The following LRMDA variants were observed in gnomAD, a reference collection of about 807,000 sequenced individuals.
The protein encoded by LRMDA is leucine-rich melanocyte differentiation-associated protein.
Under a neutral mutation model 29.8 loss-of-function variants are expected in LRMDA, and 18 were observed. The observed-to-expected ratio is 0.60, with a 90% CI of 0.42 to 0.90. The LOEUF (loss-of-function observed/expected upper bound fraction) is 0.90, where lower values mean the gene tolerates loss of function less well. Among genes scored for constraint, LRMDA ranks in the 40% least tolerant of loss-of-function variants. The probability of loss-of-function intolerance (pLI) is 0.00; values close to 1 mark genes in which losing one functional copy is unlikely to be tolerated. For missense variants in LRMDA, 273 were observed against 273.9 expected (o/e 1.00, Z 0.02); for synonymous variants, 125 against 109.4 (o/e 1.14, Z -0.89).
At chr10:75,956,481 C>G (rs568303966) in intron 2 of LRMDA, among the ~76,000 whole-genome samples, 46 of 152,156 alleles carry the variant, frequency 3.0e-4, no homozygotes, top group Middle Eastern at 3.4e-3. Context: ...GTTTTTTGCT[C>G]TGGGCTTAAA....
At chr10:76,245,434 T>C (rs1045907984) in intron 5 of LRMDA, among the ~76,000 whole-genome samples, 13 of 152,190 alleles carry the variant, frequency 8.5e-5, no homozygotes, top group African/African-American at 2.9e-4. Context: ...TTGTCTGTTA[T>C]GTTGAGGTCA....
intron 6 of LRMDA, among the ~76,000 whole-genome samples, chr10:76,460,842 A>T (rs866072518): frequency 2.3e-4 from 35 of 152,260 alleles, no homozygotes; most frequent in Middle Eastern, 3.4e-3. Context: ...TCTTCCCTCC[A>T]TAGGGGAGGG....
At chr10:75,914,971 C>T (rs1436828289) in intron 2 of LRMDA, among the ~76,000 whole-genome samples, 1 of 152,158 alleles carries the variant, frequency 6.6e-6, no homozygotes, top group Non-Finnish European at 1.5e-5. Flanking sequence ...TATGCACTCA[C>T]TGGCCCATTG....
chr10:75,495,350 C>T (rs1236649305), intron 2 of LRMDA, among the ~76,000 whole-genome samples: 1 of 151,736 alleles, frequency 6.6e-6, no homozygotes, highest in African/African-American at 2.4e-5. Flanking sequence ...TTTTCTTCCC[C>T]TTTCAAGGTT....
At chr10:76,179,273 G>T (rs1358308889) in intron 5 of LRMDA, among the ~76,000 whole-genome samples, 1 of 151,836 alleles carries the variant, frequency 6.6e-6, no homozygotes, top group Non-Finnish European at 1.5e-5. Flanking sequence ...ACATTTCCCT[G>T]TTCTCTGCTC....
chr10:76,415,641 T>C (rs1456077305), intron 6 of LRMDA, among the ~76,000 whole-genome samples: 1 of 152,166 alleles, frequency 6.6e-6, no homozygotes, highest in Non-Finnish European at 1.5e-5. Flanking sequence ...TATACAGATT[T>C]TTCTGGAAAA....
intron 5 of LRMDA, among the ~76,000 whole-genome samples, chr10:76,189,449 G>A (rs150913409): frequency 4.6e-5 from 7 of 152,276 alleles, no homozygotes; most frequent in African/African-American, 1.7e-4. Flanking sequence ...ACAAATCTTG[G>A]AATCAGGTTG....
At chr10:76,005,518 C>T (rs543880529) in intron 2 of LRMDA, among the ~76,000 whole-genome samples, 2 of 152,218 alleles carry the variant, frequency 1.3e-5, no homozygotes, top group East Asian at 1.9e-4. Flanking sequence ...GAGGCTGAGA[C>T]GGGAGGAGCA....
At chr10:75,984,908 A>C (rs1215375464) in intron 2 of LRMDA, among the ~76,000 whole-genome samples, 1 of 152,364 alleles carries the variant, frequency 6.6e-6, no homozygotes, top group Non-Finnish European at 1.5e-5. Flanking sequence ...GAAGTGTCCA[A>C]GTCCAAGGCC....
intron 5 of LRMDA, among the ~76,000 whole-genome samples, chr10:76,255,926 A>G (rs1852586286): frequency 6.6e-6 from 1 of 152,238 alleles, no homozygotes; most frequent in Non-Finnish European, 1.5e-5. Flanking sequence ...TATGTAGTCA[A>G]GTCAAATGGA....
intron 2 of LRMDA, among the ~76,000 whole-genome samples, chr10:75,493,365 G>GTGTGTGTT (rs1196746306): frequency 1.6e-4 from 24 of 150,210 alleles, no homozygotes; most frequent in Admixed American, 3.3e-4. Flanking sequence ...GTGTGTGTGT[G>GTGTGTGTT]TGTGTGTGTG....
At chr10:75,882,138 G>A (rs554414130) in intron 2 of LRMDA, among the ~76,000 whole-genome samples, 91 of 152,340 alleles carry the variant, frequency 6.0e-4, no homozygotes, top group African/African-American at 2.2e-3. Flanking sequence ...AGGAGGAACC[G>A]AAAAGAGGCC....
chr10:76,271,134 T>C (rs1394572517), intron 5 of LRMDA, among the ~76,000 whole-genome samples: 2 of 152,180 alleles, frequency 1.3e-5, no homozygotes, highest in East Asian at 3.9e-4. Context: ...CTACCTTGGC[T>C]AGGCGGCTCA....
chr10:76,068,595 G>T (rs887684527), intron 5 of LRMDA, among the ~76,000 whole-genome samples: 1 of 152,174 alleles, frequency 6.6e-6, no homozygotes, highest in Non-Finnish European at 1.5e-5. Flanking sequence ...CAGAGCCCAG[G>T]CAGTAATGCT....
Position 75,438,440 on chromosome 10 carries a change from G to A in LRMDA, c.77G>A (p.Gly26Asp). ...QDCREIPEHL[G>D]RDCGHFAKRL... ...TGCAGAGAAATTCCAGAGCACCTTG[G>A]CAGGGACTGTGGACATTTCGCAAAG... Residue 26 changes from glycine (G) to aspartate (D), a missense_variant, in exon 2 of 7, where the codon GGC becomes GAC. Physicochemically the swap from Gly to Asp is moderately conservative, Grantham distance 94. Coordinates refer to ENST00000611255, the MANE Select transcript of LRMDA (RefSeq NM_001305581.2). 6.4e-7 allele frequency: 1 copy of A among 1,550,984 alleles called. No individual in the cohort carries two copies. The highest frequency in any genetic ancestry group is 8.7e-7 in the Non-Finnish European group (1 of 1,147,080).
chr10:76,178,061 G>A (rs1268564500), intron 5 of LRMDA, among the ~76,000 whole-genome samples: 1 of 152,202 alleles, frequency 6.6e-6, no homozygotes, highest in African/African-American at 2.4e-5. Flanking sequence ...AGAGACTTGT[G>A]CAAATGTCTT....
At chr10:76,199,669 A>G (rs563164124) in intron 5 of LRMDA, among the ~76,000 whole-genome samples, 48 of 152,310 alleles carry the variant, frequency 3.2e-4, no homozygotes, top group Non-Finnish European at 5.9e-4. Context: ...GGCACTGAGG[A>G]TGTAAGAAAA....
rs116936882 is a variant in LRMDA at position 76,193,610 on chromosome 10, T to C, written c.517-130791T>C. On this transcript the variant is annotated intron_variant, in intron 5 of 6. Transcript: ENST00000611255. ...TGGGAAGAGAAGAAGCTAAGATGAA[T>C]GTGCCCTTATTTTTTATGTACTTCT... 5.0e-3 allele frequency among the ~76,000 whole-genome samples: 761 copies of C among 152,310 alleles called. 4 individuals carry two copies. Among genetic ancestry groups the C allele is most frequent in the Middle Eastern group, 0.014 (4 of 294 alleles).
chr10:76,022,096 G>A lies in LRMDA; in HGVS notation c.132-13912G>A, dbSNP rs938236116. 5.9e-5 allele frequency among the ~76,000 whole-genome samples: 9 copies of A among 152,306 alleles called. No individual in the cohort carries two copies. The South Asian group carries it at 1.2e-3, about 21-fold the overall frequency. On this transcript the variant is annotated intron_variant, in intron 2 of 6. Transcript: ENST00000611255. ...CTAATCTTAAGATATTTGGATATTAGAAGAGATCTTAGAGACCTTTTAAGG... is the reference window on the plus strand; with the variant it reads ...CTAATCTTAAGATATTTGGATATTAAAAGAGATCTTAGAGACCTTTTAAGG...
Sources: allele counts gnomAD v4.1 joint callset (sites outside exome capture counted in the v4.1 genomes callset), GRCh38; gene constraint gnomAD v4.1.1; transcripts MANE v1.5; gene names NCBI Gene and HGNC (gene_info 2026-07-23, HGNC 2026-07-21).